The following PRKCZ variants were observed in gnomAD, a reference collection of about 807,000 sequenced individuals.
The protein encoded by PRKCZ is protein kinase C zeta.
PRKCZ carries 33 observed loss-of-function variants against 79.5 expected under a neutral mutation model. The observed-to-expected ratio is 0.41, with a 90% CI of 0.31 to 0.55. PRKCZ has a LOEUF of 0.55. Ranked by LOEUF, PRKCZ falls within the 20% of genes least tolerant of loss-of-function variation. PRKCZ has a pLI of 0.19. For synonymous variants in PRKCZ, 342 were observed against 320.9 expected, an observed-to-expected ratio of 1.07 and a Z score of -0.70; for missense variants, 578 against 813.5, an observed-to-expected ratio of 0.71 and a Z score of 3.52.
At chr1:2,153,676 C>T (rs1437710328) in intron 9 of PRKCZ, among the ~76,000 whole-genome samples, 3 of 152,352 alleles carry the variant, frequency 2.0e-5, no homozygotes, top group South Asian at 4.1e-4. Flanking sequence ...CAGCACGTCC[C>T]GGTCAGCTGG....
chr1:2,158,127 A>C lies in PRKCZ; in HGVS notation c.974+2035A>C, dbSNP rs140844038. Reference sequence around the variant, plus strand: ...ACCCGGCCGTTCCCCGACCTGCTCTACGTGCGGTGCCGTCCTGGTCAAGGG... The same window carrying C: ...ACCCGGCCGTTCCCCGACCTGCTCTCCGTGCGGTGCCGTCCTGGTCAAGGG... On this transcript the variant is annotated intron_variant, in intron 10 of 17. Coordinates refer to ENST00000378567, the MANE Select transcript of PRKCZ (RefSeq NM_002744.6). Among the ~76,000 whole-genome samples, 357 of 152,288 alleles carry C rather than the reference A, an allele frequency of 2.3e-3. 1 individual carries two copies. Among genetic ancestry groups the C allele is most frequent in the African/African-American group, 8.1e-3 (335 of 41,548 alleles).
chr1:2,083,237 C>G (rs553705858), intron 4 of PRKCZ, among the ~76,000 whole-genome samples: 1 of 152,026 alleles, frequency 6.6e-6, no homozygotes, highest in Admixed American at 6.5e-5. Flanking sequence ...CATGTCTGGA[C>G]GGAATTACTC....
intron 17 of PRKCZ, 39 bp downstream of exon 17, chr1:2,184,737 G>A (rs1226630568): frequency 5.1e-6 from 8 of 1,579,868 alleles, no homozygotes; most frequent in African/African-American, 2.7e-5. Context: ...AGCACCCCTC[G>A]GGCAGCCCCA....
At chr1:2,144,391 G>A (rs764036020) in intron 6 of PRKCZ, 50 bp downstream of exon 6, 56 of 1,540,576 alleles carry the variant, frequency 3.6e-5, no homozygotes, top group East Asian at 3.2e-4. Flanking sequence ...GGGTCGGGGC[G>A]TGGCAGCCAG....
At chr1:2,100,531 C>T (rs1382626590) in intron 4 of PRKCZ, among the ~76,000 whole-genome samples, 1 of 152,208 alleles carries the variant, frequency 6.6e-6, no homozygotes, top group African/African-American at 2.4e-5. Flanking sequence ...TCCCCATGGG[C>T]GATGATGTCT....
intron 4 of PRKCZ, among the ~76,000 whole-genome samples, chr1:2,065,359 A>G (rs1661029618): frequency 6.6e-6 from 1 of 152,254 alleles, no homozygotes; most frequent in African/African-American, 2.4e-5. Context: ...TGTTCTGGCT[A>G]GAATTCCACT....
chr1:2,115,181 T>G (rs1485302072), intron 4 of PRKCZ, among the ~76,000 whole-genome samples: 5 of 152,276 alleles, frequency 3.3e-5, no homozygotes, highest in African/African-American at 1.2e-4. Flanking sequence ...CGGGCCCCTG[T>G]GTGGGGCTTT....
In PRKCZ at chr1:2,055,485, A is replaced by G; in HGVS notation, c.116A>G (p.Glu39Gly). The change falls in exon 2 of 18, where the codon GAG becomes GGG. Residue 39 changes from glutamate (E) to glycine (G), a missense_variant. Physicochemically the swap from Glu to Gly is moderately conservative, Grantham distance 98 (BLOSUM62 -2). This residue lies in a region of PRKCZ where 228 missense variants were observed against 211.6 expected (regional missense o/e 1.08). Coordinates refer to ENST00000378567, the MANE Select transcript of PRKCZ (RefSeq NM_002744.6). ...GTGGACGCCGCCACGACCTTCGAGG[A>G]GCTCTGTGAGGAAGTGAGAGACATG... ...TSVDAATTFE[E>G]LCEEVRDMCR... 6.2e-7 allele frequency: 1 copy of G among 1,614,002 alleles called. No individual in the cohort carries two copies. The highest frequency in any genetic ancestry group is 8.5e-7 in the Non-Finnish European group (1 of 1,179,974).
At chr1:2,120,303 T>TG (rs1158239052) in intron 4 of PRKCZ, among the ~76,000 whole-genome samples, 4 of 127,284 alleles carry the variant, frequency 3.1e-5, no homozygotes, top group East Asian at 2.2e-4. Flanking sequence ...GTTTTTTTTT[T>TG]TTTTTTTTTT....
In PRKCZ at chr1:2,077,303, C is replaced by G. The variant is rs187037193; in HGVS notation, c.334+17712C>G. 2.3e-3 allele frequency among the ~76,000 whole-genome samples: 346 copies of G among 152,324 alleles called. 1 individual carries two copies. The highest frequency in any genetic ancestry group is 3.4e-3 in the Non-Finnish European group (232 of 68,032). On this transcript the variant is annotated intron_variant, in intron 4 of 17. Transcript: ENST00000378567. The stretch of plus-strand genomic sequence containing the variant: ...TTTCTGAAGTTTTCTTTTTGAACGT[C>G]TCTTCTGTGGGAAGTTTGAAAAGAT...
rs1371654463 is a variant in PRKCZ at position 2,174,697 on chromosome 1, G to A, written c.1406-57G>A. The A allele has an allele frequency of 1.3e-6, 2 of 1,554,554 alleles. No homozygotes were observed. The highest frequency in any genetic ancestry group is 1.4e-5 in the African/African-American group (1 of 73,564). On this transcript the variant is annotated intron_variant, in intron 14 of 17. Transcript: ENST00000378567. The surrounding 1 kb of genome is among the most constrained non-coding windows in gnomAD (Gnocchi z 6.2). The stretch of plus-strand genomic sequence containing the variant: ...CTTGCTCAGAGTCAGAGTCTGGGCG[G>A]CACTGGGCAAATGGCACACAACACA...
intron 1 of PRKCZ, among the ~76,000 whole-genome samples, chr1:2,052,970 C>T (rs1171267961): frequency 6.6e-6 from 1 of 152,204 alleles, no homozygotes; most frequent in Non-Finnish European, 1.5e-5. Flanking sequence ...CCCACCCCGC[C>T]CCCTGTGGGC....
At chr1:2,170,758 C>T (rs1684270171) in intron 11 of PRKCZ, among the ~76,000 whole-genome samples, 2 of 152,292 alleles carry the variant, frequency 1.3e-5, no homozygotes, top group Admixed American at 6.5e-5. Flanking sequence ...GTTGGTCCTT[C>T]GGTGGCTCAT....
chr1:2,078,545 C>G (rs921242788), intron 4 of PRKCZ, among the ~76,000 whole-genome samples: 1 of 152,144 alleles, frequency 6.6e-6, no homozygotes, highest in African/African-American at 2.4e-5. Context: ...ACTTCTTTGT[C>G]TCTTGTGCTG....
At chr1:2,058,306 ATTTTT>A (rs35722361) in intron 3 of PRKCZ, among the ~76,000 whole-genome samples, 2 of 125,350 alleles carry the variant, frequency 1.6e-5, no homozygotes, top group African/African-American at 3.2e-5. Context: ...CCCGGCCCCA[ATTTTT>A]TTTTTTTTTT....
At chr1:2,154,715 G>A (rs779243213) in intron 9 of PRKCZ, among the ~76,000 whole-genome samples, 1 of 152,210 alleles carries the variant, frequency 6.6e-6, no homozygotes. Flanking sequence ...TAACCCCGAA[G>A]ACAAGGGGTT....
At chr1:2,064,072 C>T (rs192218196) in intron 4 of PRKCZ, among the ~76,000 whole-genome samples, 336 of 152,308 alleles carry the variant, frequency 2.2e-3, no homozygotes, top group African/African-American at 7.4e-3. Flanking sequence ...GTCTTGAACT[C>T]CCGACCTCAA....
rs1368231485 is a variant in PRKCZ at position 2,082,602 on chromosome 1, G to A, written c.334+23011G>A. The A allele has an allele frequency of 2.4e-5, 9 of 370,454 alleles. No individual in the cohort carries two copies. The highest frequency in any genetic ancestry group is 1.4e-4 in the South Asian group (7 of 49,428). The allele number at this position is 370,454 out of a possible 1,614,324, so 22.9% of individuals were successfully genotyped here. On this transcript the variant is annotated intron_variant, in intron 4 of 17. Coordinates refer to ENST00000378567, the MANE Select transcript of PRKCZ (RefSeq NM_002744.6). This position sits in a 1 kb window ranked among gnomAD's most constrained non-coding sequence, Gnocchi z 4.4. ...TCCCTGGTGTAAATGCTCCCACCAC[G>A]GCCGATTTCAGGCTGCCGAAGTGGA...
At chr1:2,113,884 G>A (rs1040657517) in intron 4 of PRKCZ, among the ~76,000 whole-genome samples, 1 of 152,114 alleles carries the variant, frequency 6.6e-6, no homozygotes, top group East Asian at 1.9e-4. Flanking sequence ...CAGTGCCCAT[G>A]TGTTTGAGGG....
Sources: gnomAD v4.1 joint callset for allele counts (sites outside exome capture counted in the v4.1 genomes callset) on GRCh38, gnomAD v4.1.1 for gene constraint, gnomAD v4.1.1 regional missense constraint, Gnocchi (gnomAD v3.1) non-coding constraint, MANE v1.5 for transcripts, NCBI Gene and HGNC (gene_info 2026-07-23, HGNC 2026-07-21) for gene names.